Variants in PDILT observed in about 807,000 individuals in gnomAD.
PDILT encodes the protein protein disulfide isomerase like, testis expressed, also known as protein disulfide-isomerase-like protein of the testis.
In PDILT, 43 loss-of-function variants were observed where a neutral mutation model predicts 53.7. The ratio of observed to expected loss-of-function variants is 0.80; its 90% CI spans 0.63 to 1.03. The LOEUF (loss-of-function observed/expected upper bound fraction) is 1.03, where lower values mean the gene tolerates loss of function less well. PDILT is among the 50% of genes least tolerant of loss of function. PDILT has a pLI of 0.00. For missense variants in PDILT, 727 were observed against 712.3 expected, an observed-to-expected ratio of 1.02 and a Z score of -0.24; for synonymous variants, 282 against 274.2, an observed-to-expected ratio of 1.03 and a Z score of -0.28.
intron 3 of PDILT, among the ~76,000 whole-genome samples, chr16:20,381,008 G>A (rs1966453716): frequency 6.6e-6 from 1 of 152,236 alleles, no homozygotes; most frequent in East Asian, 1.9e-4. Flanking sequence ...GACAACTGAG[G>A]TGTGAATGCA....
chr16:20,399,748 G>A (rs1966706629), intron 1 of PDILT, among the ~76,000 whole-genome samples: 1 of 126,396 alleles, frequency 7.9e-6, no homozygotes, highest in African/African-American at 3.1e-5. Context: ...TCCAGCTCCT[G>A]CTTGAATGCC....
intron 3 of PDILT, among the ~76,000 whole-genome samples, chr16:20,383,964 G>T (rs991553669): frequency 6.6e-6 from 1 of 152,194 alleles, no homozygotes; most frequent in Non-Finnish European, 1.5e-5. Context: ...TCAATAAATG[G>T]ATGCTGAATA....
chr16:20,397,731 G>C (rs1966680886), intron 2 of PDILT, among the ~76,000 whole-genome samples: 1 of 152,118 alleles, frequency 6.6e-6, no homozygotes, highest in South Asian at 2.1e-4. Flanking sequence ...TGGGTGGAGG[G>C]GCAGCTTGGG....
At chr16:20,401,494 C>T (rs568263989) in intron 1 of PDILT, among the ~76,000 whole-genome samples, 3 of 152,298 alleles carry the variant, frequency 2.0e-5, no homozygotes, top group Admixed American at 6.5e-5. Context: ...CACCCAGAAC[C>T]GTCCTAGGCC....
At chr16:20,366,984 C>CTATTTATTTA (rs1567320455) in intron 8 of PDILT, among the ~76,000 whole-genome samples, 2 of 58,456 alleles carry the variant, frequency 3.4e-5, no homozygotes, top group African/African-American at 8.9e-5. Context: ...TCCTTCCTTC[C>CTATTTATTTA]TTCCTTTCTT....
chr16:20,387,469 T>C (rs1966554178), intron 2 of PDILT, among the ~76,000 whole-genome samples: 1 of 152,014 alleles, frequency 6.6e-6, no homozygotes. Flanking sequence ...GTCCATTGGG[T>C]CTGGAGCAGA....
At chr16:20,367,263 C>T (rs143824226) in intron 8 of PDILT, among the ~76,000 whole-genome samples, 8 of 151,972 alleles carry the variant, frequency 5.3e-5, no homozygotes, top group South Asian at 2.1e-4. Flanking sequence ...CCACCACACC[C>T]GGCTAATGTT....
Position 20,400,264 on chromosome 16 carries a change from G to A in PDILT, c.-7-957C>T, listed in dbSNP as rs541138925. On this transcript the variant is annotated intron_variant, in intron 1 of 11. Transcript: ENST00000302451. Reference sequence around the variant, plus strand: ...TAATTTTTGTATTTTTAGTAGAGATGGGGTTCCACCATGTTGGCCAGGCTG... The same window carrying A: ...TAATTTTTGTATTTTTAGTAGAGATAGGGTTCCACCATGTTGGCCAGGCTG... Among the ~76,000 whole-genome samples the A allele has an allele frequency of 2.0e-5, 3 of 151,916 alleles. No homozygotes were observed. In the East Asian group the frequency reaches 5.8e-4, roughly 29 times the overall value.
In PDILT at chr16:20,376,179, T is replaced by TA; in HGVS notation, c.431dup (p.Leu144PhefsTer10). 6.2e-7 allele frequency: 1 copy of TA among 1,614,170 alleles called. No homozygotes were observed. The highest frequency in any genetic ancestry group is 8.5e-7 in the Non-Finnish European group (1 of 1,180,032). On this transcript the variant is annotated frameshift_variant, in exon 4 of 12. Coordinates refer to ENST00000302451, the MANE Select transcript of PDILT (RefSeq NM_174924.2). LOFTEE classifies it high-confidence loss of function. ...TAATTTGTCGTCTCAACCAAACGAC[T>TA]AAGGCAGCAGATTCAACCACTCCTG...
At chr16:20,384,593 T>C (rs370859762) in intron 3 of PDILT, 52 bp downstream of exon 3, 168 of 1,606,524 alleles carry the variant, frequency 1.0e-4, no homozygotes, top group African/African-American at 2.3e-4. Flanking sequence ...CTATAGCTGT[T>C]AAGTGGACTT....
Position 20,365,456 on chromosome 16 carries a change from C to A in PDILT, c.1201G>T (p.Val401Phe), listed in dbSNP as rs144908632. ...QLVGKNFNVV[V>F]FDKEKDVFVM... ...AATACGTCCTTTTCTTTGTCAAAGA[C>A]GACTACGTTGAAGTTCTTCCCCACG... Residue 401 changes from valine (V) to phenylalanine (F), a missense_variant, in exon 9 of 12, where the codon GTC becomes TTC. Coordinates refer to ENST00000302451, the MANE Select transcript of PDILT (RefSeq NM_174924.2). 19 of 1,614,028 alleles carry A rather than the reference C, an allele frequency of 1.2e-5. No individual in the cohort carries two copies. The highest frequency in any genetic ancestry group is 1.6e-5 in the Non-Finnish European group (19 of 1,179,886).
At chr16:20,372,733 G>A in intron 7 of PDILT, 69 bp downstream of exon 7, 6 of 1,537,660 alleles carry the variant, frequency 3.9e-6, no homozygotes, top group Middle Eastern at 1.7e-4. Context: ...GCAGGCAAAT[G>A]GGCTCAGGGT....
Position 20,374,933 on chromosome 16 carries a change from C to T in PDILT, c.570G>A (p.Leu190=), listed in dbSNP as rs756573953. The change falls in exon 5 of 12, where the codon TTG becomes TTA. Residue 190 remains leucine (L), a synonymous_variant. Transcript: ENST00000302451. The stretch of plus-strand genomic sequence containing the variant: ...GAAAGTCTTTGATCACATCATAGAA[C>T]AACTCTGCTACTTCTTCCTCTAAAT... ...FQDLEEEVAE[L]FYDVIKDFPE... is the part of the protein sequence containing the mutation. The T allele has an allele frequency of 3.7e-6, 6 of 1,612,242 alleles. No homozygotes were observed. The African/African-American group carries it at 8.0e-5, about 22-fold the overall frequency.
chr16:20,379,043 T>C (rs891372137), intron 3 of PDILT, among the ~76,000 whole-genome samples: 2 of 151,876 alleles, frequency 1.3e-5, no homozygotes, highest in African/African-American at 4.8e-5. Flanking sequence ...AGACAGTTTA[T>C]CCTTCTGTCA....
intron 11 of PDILT, among the ~76,000 whole-genome samples, chr16:20,360,071 A>T (rs1446018466): frequency 6.6e-6 from 1 of 152,224 alleles, no homozygotes; most frequent in Non-Finnish European, 1.5e-5. Flanking sequence ...TGGGTTCCGG[A>T]TCCACCCACA....
chr16:20,377,635 G>T (rs73543348), intron 3 of PDILT, among the ~76,000 whole-genome samples: 18,145 of 152,192 alleles, frequency 0.12, 1,238 homozygotes, highest in African/African-American at 0.18. Flanking sequence ...ACTTCCTGGA[G>T]GAAATTATGG....
At position 20,359,221 on chromosome 16, in the gene PDILT, C is replaced by T; in HGVS notation, c.*98G>A. On this transcript the variant is annotated 3_prime_UTR_variant, in exon 12 of 12. Transcript: ENST00000302451. Reference sequence around the variant, plus strand: ...CCACCCCTACCCCCGCCCCACCTACCCTACCACAATGATATATGCTTTTAT... The same window carrying T: ...CCACCCCTACCCCCGCCCCACCTACTCTACCACAATGATATATGCTTTTAT... 1.3e-6 allele frequency: 2 copies of T among 1,539,202 alleles called. No individual in the cohort carries two copies. Among genetic ancestry groups the T allele is most frequent in the Non-Finnish European group, 1.7e-6 (2 of 1,147,004 alleles).
intron 8 of PDILT, 60 bp from the exon 9 acceptor site, chr16:20,365,600 T>TC: frequency 6.4e-7 from 1 of 1,573,456 alleles, no homozygotes; most frequent in Non-Finnish European, 8.6e-7. Context: ...GTTGTGGGGC[T>TC]CCCCACCTTG....
intron 8 of PDILT, among the ~76,000 whole-genome samples, chr16:20,366,160 T>C (rs371270025): frequency 1.3e-5 from 2 of 152,110 alleles, no homozygotes; most frequent in Non-Finnish European, 2.9e-5. Flanking sequence ...ACCATTTGCA[T>C]GACCTATAAA....
Sources: allele counts gnomAD v4.1 joint callset (sites outside exome capture counted in the v4.1 genomes callset), GRCh38; gene constraint gnomAD v4.1.1; transcripts MANE v1.5; gene names NCBI Gene and HGNC (gene_info 2026-07-23, HGNC 2026-07-21).